IPPK: variants seen among roughly 807,000 people sequenced by gnomAD.
IPPK encodes the protein inositol-pentakisphosphate 2-kinase, also known as IPK1 homolog.
In IPPK, 22 loss-of-function variants were observed where a neutral mutation model predicts 64.6. The ratio of observed to expected loss-of-function variants is 0.34; its 90% confidence interval spans 0.24 to 0.49. The LOEUF (loss-of-function observed/expected upper bound fraction) is 0.49. Among genes scored for constraint, IPPK ranks in the 20% least tolerant of loss-of-function variants. The probability of loss-of-function intolerance (pLI) is 0.99; values close to 1 mark genes in which losing one functional copy is unlikely to be tolerated. For missense variants in IPPK, 532 were observed against 630.7 expected (o/e 0.84, Z 1.68); for synonymous variants, 262 against 247.2 (o/e 1.06, Z -0.56).
chr9:92,650,711 C>A (rs542152026), intron 4 of IPPK, among the ~76,000 whole-genome samples: 1 of 152,290 alleles, frequency 6.6e-6, no homozygotes, highest in South Asian at 2.1e-4. Context: ...AGCGTATTAT[C>A]AATCCTGAGG....
At position 92,640,839 on chromosome 9, in the gene IPPK, C is replaced by A. The variant is rs1324188953; in HGVS notation, c.564-57G>T. On this transcript the variant is annotated intron_variant, in intron 7 of 12. Coordinates refer to ENST00000287996, the MANE Select transcript of IPPK (RefSeq NM_022755.6). ...TGCAGCTGGAACTGACCTGTCCCTG[C>A]ACACACACCTGCTCGTGGCTCAGAG... is the stretch of plus-strand genomic sequence containing the variant. The A allele has an allele frequency of 1.5e-5, 18 of 1,175,268 alleles. No individual in the cohort carries two copies. The Admixed American group carries it at 1.7e-4, about 11-fold the overall frequency. 72.8% of individuals were successfully genotyped at this position (1,175,268 alleles called of 1,614,324 possible). A position where few individuals can be genotyped will look rare whatever the true frequency, so the allele number is the denominator to read the frequency against.
intron 3 of IPPK, among the ~76,000 whole-genome samples, chr9:92,654,201 T>C (rs913320526): frequency 1.3e-5 from 2 of 152,204 alleles, no homozygotes; most frequent in African/African-American, 2.4e-5. Flanking sequence ...TTTTATAATA[T>C]GCATATCTGT....
chr9:92,639,720 C>A (rs1460370839), intron 8 of IPPK, among the ~76,000 whole-genome samples: 1 of 152,118 alleles, frequency 6.6e-6, no homozygotes, highest in Admixed American at 6.5e-5. Context: ...GCTTAAATAT[C>A]GAGTTTATAA....
At chr9:92,669,068 C>A (rs1018874554) in intron 1 of IPPK, among the ~76,000 whole-genome samples, 3 of 140,470 alleles carry the variant, frequency 2.1e-5, no homozygotes, top group Non-Finnish European at 3.3e-5. Context: ...AAAGTGAATT[C>A]TACTACTAGT....
intron 1 of IPPK, among the ~76,000 whole-genome samples, chr9:92,667,251 A>C (rs764979259): frequency 9.2e-5 from 14 of 152,220 alleles, no homozygotes; most frequent in Non-Finnish European, 1.6e-4. Flanking sequence ...ACCTGCTCCC[A>C]CACCCGGCTG....
At chr9:92,632,373 GTTGT>G (rs1258950424) in intron 11 of IPPK, among the ~76,000 whole-genome samples, 2 of 152,214 alleles carry the variant, frequency 1.3e-5, no homozygotes, top group African/African-American at 4.8e-5. Flanking sequence ...TCCATTTGGT[GTTGT>G]TTCAGTGTCT....
At chr9:92,666,361 G>GGCAGGC (rs1260955333) in intron 1 of IPPK, among the ~76,000 whole-genome samples, 3 of 152,180 alleles carry the variant, frequency 2.0e-5, no homozygotes, top group Non-Finnish European at 4.4e-5. Context: ...AGGCGAAGGA[G>GGCAGGC]GCAGGCGCAG....
At chr9:92,659,629 G>A (rs1055554649) in intron 1 of IPPK, among the ~76,000 whole-genome samples, 11 of 152,144 alleles carry the variant, frequency 7.2e-5, no homozygotes, top group East Asian at 1.9e-4. Context: ...CCTGGGAAGC[G>A]CCCCTGCCGA....
Position 92,658,621 on chromosome 9 carries a change from C to T in IPPK, c.129+13G>A. 3 of 1,605,944 alleles carry T rather than the reference C, an allele frequency of 1.9e-6. No homozygotes were observed. Among genetic ancestry groups the T allele is most frequent in the Non-Finnish European group, 2.6e-6 (3 of 1,172,754 alleles). ...AATTGTTGTAAGTCTGGGTGCAAAC[C>T]CACCCATCTTACCTTCTTCCTATTT... On this transcript the variant is annotated intron_variant, in intron 2 of 12. Transcript: ENST00000287996.
chr9:92,619,172 G>A (rs1851542274), intron 12 of IPPK: 1 of 292,188 alleles, frequency 3.4e-6, no homozygotes, highest in Non-Finnish European at 6.6e-6. Flanking sequence ...GGCTTTCTTT[G>A]AGGGAATGCA....
rs1225915156 is a variant in IPPK, at chr9:92,615,617, A to G, written c.*215T>C. On this transcript the variant is annotated 3_prime_UTR_variant, in exon 13 of 13. Coordinates refer to ENST00000287996, the MANE Select transcript of IPPK (RefSeq NM_022755.6). Reference sequence around the variant, plus strand: ...ACACTTCCATTTTAAGAGTGTGAGCAGCTTCCTGGGACACAGCACTCACTT... The same window carrying G: ...ACACTTCCATTTTAAGAGTGTGAGCGGCTTCCTGGGACACAGCACTCACTT... 1.9e-6 allele frequency: 1 copy of G among 537,964 alleles called. No homozygotes were observed. The highest frequency in any genetic ancestry group is 3.3e-6 in the Non-Finnish European group (1 of 299,112). 33.3% of individuals were successfully genotyped at this position (537,964 alleles called of 1,614,324 possible). A position where few individuals can be genotyped will look rare whatever the true frequency, so the allele number is the denominator to read the frequency against.
At chr9:92,625,106 C>T (rs934095178) in intron 11 of IPPK, among the ~76,000 whole-genome samples, 3 of 151,926 alleles carry the variant, frequency 2.0e-5, no homozygotes, top group East Asian at 1.9e-4. Context: ...AGTGGTGGTT[C>T]CATAAGAATT....
intron 11 of IPPK, among the ~76,000 whole-genome samples, chr9:92,630,341 C>A (rs901453027): frequency 2.0e-5 from 3 of 152,098 alleles, no homozygotes; most frequent in Non-Finnish European, 4.4e-5. Flanking sequence ...AAGTCTACAG[C>A]GATAGAAAGT....
intron 12 of IPPK, chr9:92,618,318 C>T (rs1234867797): frequency 2.2e-6 from 1 of 456,722 alleles, no homozygotes; most frequent in South Asian, 1.5e-5. Context: ...CTCCTAGTGT[C>T]GTTTCTGCTG....
rs118009466 is a variant in IPPK, at chr9:92,613,630, C to G, written c.*2202G>C. On this transcript the variant is annotated 3_prime_UTR_variant, in exon 13 of 13. Transcript: ENST00000287996. ...CACACCCTCACTCCCTGCCTCCCCC[C>G]GGTCCGCATGGTGGCACCGTGAGGC... The G allele has an allele frequency of 4.0e-4, 64 of 160,926 alleles. No homozygotes were observed. The highest frequency in any genetic ancestry group is 7.6e-4 in the Admixed American group (13 of 17,048). The allele number at this position is 160,926 out of a possible 1,614,324, so 10.0% of individuals were successfully genotyped here. A position where few individuals can be genotyped will look rare whatever the true frequency, so the allele number is the denominator to read the frequency against.
In IPPK at chr9:92,635,136, C is replaced by G. The variant is rs1111047; in HGVS notation, c.1067+22G>C. On this transcript the variant is annotated intron_variant, in intron 10 of 12. Coordinates refer to ENST00000287996, the MANE Select transcript of IPPK (RefSeq NM_022755.6). The surrounding 1 kb of genome is among the most constrained non-coding windows in gnomAD (Gnocchi z 4.4). ...ACAGTCTCCTCTCAGGGCTGCCCAACAGGGGGACCGCCCGACCTCACCTCT... is the reference window on the plus strand; with the variant it reads ...ACAGTCTCCTCTCAGGGCTGCCCAAGAGGGGGACCGCCCGACCTCACCTCT... 952,495 of 1,598,334 alleles carry G rather than the reference C, an allele frequency of 0.6. 290,869 individuals are homozygous for G. Among genetic ancestry groups the G allele is most frequent in the African/African-American group, 0.9 (67,165 of 74,554 alleles).
At chr9:92,633,168 G>A (rs897515640) in intron 11 of IPPK, among the ~76,000 whole-genome samples, 3 of 151,624 alleles carry the variant, frequency 2.0e-5, no homozygotes, top group African/African-American at 7.3e-5. Context: ...CTGCCACCAC[G>A]CCTGCTTAAT....
intron 9 of IPPK, among the ~76,000 whole-genome samples, chr9:92,637,390 G>T (rs1851961121): frequency 6.6e-6 from 1 of 152,238 alleles, no homozygotes; most frequent in East Asian, 1.9e-4. Flanking sequence ...AAGCAGGACT[G>T]CTGTCTTCAA....
intron 8 of IPPK, 81 bp downstream of exon 8, chr9:92,640,629 C>T: frequency 1.1e-6 from 1 of 936,160 alleles, no homozygotes; most frequent in Non-Finnish European, 1.8e-6. Flanking sequence ...TGCAGCCCAG[C>T]CCAACACCCT....
Sources: allele counts gnomAD v4.1 joint callset (sites outside exome capture counted in the v4.1 genomes callset), GRCh38; gene constraint gnomAD v4.1.1; non-coding constraint Gnocchi (gnomAD v3.1); transcripts MANE v1.5; gene names NCBI Gene and HGNC (gene_info 2026-07-23, HGNC 2026-07-21).